NRXN1: variants seen among roughly 807,000 people sequenced by gnomAD.
NRXN1 encodes the protein neurexin 1, also known as neurexin-1.
In NRXN1, 39 loss-of-function variants were observed where a neutral mutation model predicts 150.9. The ratio of observed to expected loss-of-function variants is 0.26; its 90% CI spans 0.20 to 0.34. NRXN1 has a LOEUF of 0.34. NRXN1 is among the 10% of genes least tolerant of loss of function. The pLI is 1.00. For missense variants in NRXN1, 1,815 were observed against 1,949.9 expected (o/e 0.93, Z 1.30); for synonymous variants, 924 against 757.0 (o/e 1.22, Z -3.62).
At chr2:50,894,349 A>T (rs1029480847) in intron 5 of NRXN1, among the ~76,000 whole-genome samples, 1 of 151,204 alleles carries the variant, frequency 6.6e-6, no homozygotes. Flanking sequence ...AACCTGACTC[A>T]TTCTCAGAAT....
At chr2:50,480,662 CAA>C (rs2090393227) in intron 15 of NRXN1, among the ~76,000 whole-genome samples, 1 of 152,182 alleles carries the variant, frequency 6.6e-6, no homozygotes, top group South Asian at 2.1e-4. Flanking sequence ...GGCCACCACT[CAA>C]AGACTCCTAA....
chr2:50,888,904 C>T (rs1680657200), intron 5 of NRXN1, among the ~76,000 whole-genome samples: 1 of 151,510 alleles, frequency 6.6e-6, no homozygotes, highest in Non-Finnish European at 1.5e-5. Context: ...AAAGATTTTG[C>T]TTTCCTCTTT....
intron 5 of NRXN1, among the ~76,000 whole-genome samples, chr2:50,675,333 T>C (rs973805150): frequency 6.6e-6 from 1 of 152,186 alleles, no homozygotes; most frequent in African/African-American, 2.4e-5. Context: ...TGCTTGCGTC[T>C]AACGTGCTCC....
rs190319863 is a variant in NRXN1 at position 50,796,323 on chromosome 2, T to C, written c.832+125546A>G. 1.5e-4 allele frequency among the ~76,000 whole-genome samples: 23 copies of C among 152,312 alleles called. No individual in the cohort carries two copies. The East Asian group carries it at 4.0e-3, about 27-fold the overall frequency. On this transcript the variant is annotated intron_variant, in intron 5 of 22. Transcript: ENST00000401669. ...GAGACATATTTTAACCACTTCATCA[T>C]ATTTGTTGGATCACTCTGTTCTGAA...
At chr2:50,505,758 G>A (rs1169905961) in intron 13 of NRXN1, among the ~76,000 whole-genome samples, 1 of 152,090 alleles carries the variant, frequency 6.6e-6, no homozygotes, top group African/African-American at 2.4e-5. Flanking sequence ...GAACAGACAC[G>A]TATCCACTGT....
rs193081242 is a variant in NRXN1 at position 50,697,793 on chromosome 2, T to G, written c.833-74178A>C. On this transcript the variant is annotated intron_variant, in intron 5 of 22. Transcript: ENST00000401669. ...AGGTTCTGCCCACATCTTTGTTTCATTTTCTTTCTTTTCTCTGCCTCCAGG... is the reference window on the plus strand; with the variant it reads ...AGGTTCTGCCCACATCTTTGTTTCAGTTTCTTTCTTTTCTCTGCCTCCAGG... Among the ~76,000 whole-genome samples the G allele has an allele frequency of 3.3e-4, 51 of 152,288 alleles. 1 individual carries two copies. In the East Asian group the frequency reaches 8.3e-3, roughly 25 times the overall value.
chr2:50,090,861 G>A (rs1383917603), intron 19 of NRXN1, among the ~76,000 whole-genome samples: 12 of 151,714 alleles, frequency 7.9e-5, no homozygotes, highest in African/African-American at 1.7e-4. Context: ...CTTATCTCAC[G>A]GGATCCCTAC....
chr2:50,519,154 G>A (rs1427021919), intron 12 of NRXN1, among the ~76,000 whole-genome samples: 1 of 151,856 alleles, frequency 6.6e-6, no homozygotes, highest in Non-Finnish European at 1.5e-5. Flanking sequence ...TGGACAAACT[G>A]TACATGATTA....
At chr2:50,403,527 G>GA (rs777862615) in intron 17 of NRXN1, among the ~76,000 whole-genome samples, 40 of 152,062 alleles carry the variant, frequency 2.6e-4, no homozygotes, top group African/African-American at 8.4e-4. Flanking sequence ...CATATGTACA[G>GA]AATAGTATTT....
chr2:50,958,067 C>A (rs368875729), intron 2 of NRXN1, among the ~76,000 whole-genome samples: 4 of 152,038 alleles, frequency 2.6e-5, no homozygotes, highest in African/African-American at 9.7e-5. Context: ...ATTTGTCTTG[C>A]GCAATTGTCT....
rs10531409 is a variant in NRXN1, at chr2:50,437,708, TTG to T, written c.3364+27732_3364+27733del. 3.9e-3 allele frequency among the ~76,000 whole-genome samples: 579 copies of T among 149,720 alleles called. 2 individuals carry two copies. The highest frequency in any genetic ancestry group is 0.011 in the African/African-American group (452 of 40,986). ...ATGATACAGGGAGTTCTGGATGCAT[TTG>T]TGTGTGTGTGTGTGTGTGTGAAAAG... On this transcript the variant is annotated intron_variant, in intron 17 of 22. Transcript: ENST00000401669.
At chr2:50,310,531 A>G (rs1472370378) in intron 17 of NRXN1, among the ~76,000 whole-genome samples, 1 of 152,156 alleles carries the variant, frequency 6.6e-6, no homozygotes, top group African/African-American at 2.4e-5. Context: ...TCCTCAGGCA[A>G]GTGTATAAGA....
chr2:50,707,179 G>A (rs1335695014), intron 5 of NRXN1, among the ~76,000 whole-genome samples: 1 of 152,130 alleles, frequency 6.6e-6, no homozygotes, highest in Non-Finnish European at 1.5e-5. Context: ...ACCTTTGGAA[G>A]AAATTGCATT....
chr2:50,921,971 A>C (rs1384315852), intron 4 of NRXN1, 91 bp from the exon 5 acceptor site: 1 of 638,256 alleles, frequency 1.6e-6, no homozygotes, highest in Non-Finnish European at 2.5e-6. Flanking sequence ...TTATGAACAT[A>C]TGTAAAGCCA....
At chr2:50,480,538 T>C (rs1446311929) in intron 15 of NRXN1, among the ~76,000 whole-genome samples, 4 of 152,200 alleles carry the variant, frequency 2.6e-5, no homozygotes, top group Non-Finnish European at 1.5e-5. Context: ...TGTGTGTCTG[T>C]AGAACACAGA....
At chr2:50,737,712 AG>A (rs1224119647) in intron 5 of NRXN1, among the ~76,000 whole-genome samples, 1 of 152,142 alleles carries the variant, frequency 6.6e-6, no homozygotes, top group Non-Finnish European at 1.5e-5. Context: ...TAAATATACC[AG>A]GGTAAAACTT....
chr2:50,754,406 A>AT (rs1700952231), intron 5 of NRXN1, among the ~76,000 whole-genome samples: 1 of 151,788 alleles, frequency 6.6e-6, no homozygotes, highest in Non-Finnish European at 1.5e-5. Flanking sequence ...AATCAACTCC[A>AT]TTTTTTCCAA....
At chr2:50,383,986 C>T (rs1382515340) in intron 17 of NRXN1, among the ~76,000 whole-genome samples, 2 of 152,252 alleles carry the variant, frequency 1.3e-5, no homozygotes, top group East Asian at 1.9e-4. Flanking sequence ...GATGCCTGAC[C>T]TTTGTCAGAT....
chr2:50,346,870 GCGCCGCCGCCGCCGC>G lies in NRXN1; in HGVS notation c.3365-109915_3365-109901del, dbSNP rs750165040. 3.6e-3 allele frequency: 4,931 copies of G among 1,366,786 alleles called. 340 individuals carry two copies. In the African/African-American group the frequency reaches 0.056, roughly 16 times the overall value. 84.7% of individuals were successfully genotyped at this position (1,366,786 alleles called of 1,614,324 possible). A position where few individuals can be genotyped will look rare whatever the true frequency, so the allele number is the denominator to read the frequency against. On this transcript the variant is annotated intron_variant, in intron 17 of 22. Transcript: ENST00000401669. The surrounding 1 kb of genome is among the most constrained non-coding windows in gnomAD (Gnocchi z 5.0). ...CCAAAGCAGGGCCAGGCGCCCCCCT[GCGCCGCCGCCGCCGC>G]CGCCGCCGCCGCCGCCCCCGGGCGA... is the stretch of plus-strand genomic sequence containing the variant.
Sources: gnomAD v4.1 joint callset for allele counts (sites outside exome capture counted in the v4.1 genomes callset) on GRCh38, gnomAD v4.1.1 for gene constraint, Gnocchi (gnomAD v3.1) non-coding constraint, MANE v1.5 for transcripts, NCBI Gene and HGNC (gene_info 2026-07-23, HGNC 2026-07-21) for gene names.